Variants in KMT2D observed in about 807,000 individuals in gnomAD.
The protein encoded by KMT2D is histone-lysine N-methyltransferase 2D.
KMT2D carries 55 observed loss-of-function variants against 512.7 expected under a neutral mutation model. The ratio of observed to expected loss-of-function variants is 0.11; its 90% CI spans 0.09 to 0.13. KMT2D has a LOEUF of 0.13. Among genes scored for constraint, KMT2D ranks in the 10% least tolerant of loss-of-function variants. The probability of loss-of-function intolerance (pLI) is 1.00; values close to 1 mark genes in which losing one functional copy is unlikely to be tolerated. For missense variants in KMT2D, 6,061 were observed against 7,127.9 expected (o/e 0.85, Z 5.39); for synonymous variants, 2,995 against 2,904.0 (o/e 1.03, Z -1.01).
chr12:49,054,598 C>A lies in KMT2D; in HGVS notation c.330G>T (p.Leu110=), dbSNP rs1022875075. 1 of 1,613,184 alleles carries A rather than the reference C, an allele frequency of 6.2e-7. No individual in the cohort carries two copies. The highest frequency in any genetic ancestry group is 8.5e-7 in the Non-Finnish European group (1 of 1,179,516). ...GGSPGPNEAV[L]PSEDLSQIGF... is the part of the protein sequence containing the mutation. The stretch of plus-strand genomic sequence containing the variant: ...CAATCTGTGATAGGTCCTCACTGGG[C>A]AGCACTGCCTCATTGGGCCCTGGGC... Residue 110 remains leucine, a synonymous_variant, in exon 4 of 55, where the codon CTG becomes CTT. Transcript: ENST00000301067. The surrounding 1 kb of genome is among the most constrained non-coding windows in gnomAD (Gnocchi z 6.4).
At position 49,041,836 on chromosome 12, in the gene KMT2D, G is replaced by A. The variant is rs939127928; in HGVS notation, c.6183+81C>T. 59 of 1,523,046 alleles carry A rather than the reference G, an allele frequency of 3.9e-5. No individual in the cohort carries two copies. The highest frequency in any genetic ancestry group is 1.4e-4 in the African/African-American group (10 of 72,630). The allele number at this position is 1,523,046 out of a possible 1,614,324, so 94.3% of individuals were successfully genotyped here. A position where few individuals can be genotyped will look rare whatever the true frequency, so the allele number is the denominator to read the frequency against. On this transcript the variant is annotated intron_variant, in intron 30 of 54. Transcript: ENST00000301067. The surrounding 1 kb of genome is among the most constrained non-coding windows in gnomAD (Gnocchi z 5.4). ...CCCAGCTGCTTTAGGAGTGGGGAGC[G>A]GAAAGAACTGAGGTAAATTACCCAA...
rs924889380 is a variant in KMT2D, at chr12:49,060,403, C to A, written c.-828G>T. Among the ~76,000 whole-genome samples the A allele has an allele frequency of 6.6e-6, 1 of 152,184 alleles. No individual in the cohort carries two copies. Among genetic ancestry groups the A allele is most frequent in the African/African-American group, 2.4e-5 (1 of 41,446 alleles). ...CCTCTGGCCTCGGGAGCTGCCCCGCCCCCGGCCTGGCCGGCTCTGGTCGGT... is the reference window on the plus strand; with the variant it reads ...CCTCTGGCCTCGGGAGCTGCCCCGCACCCGGCCTGGCCGGCTCTGGTCGGT... On this transcript the variant is annotated 5_prime_UTR_variant, in exon 1 of 55. Transcript: ENST00000301067.
Position 49,037,746 on chromosome 12 carries a change from G to C in KMT2D, c.9610C>G (p.Pro3204Ala). ...TTTTCCAGCAGGGAGGATCCTCCTG[G>C]GCCACTCAGTGGGCTGGGGGTCAGC... ...HLLTPSPLSG[P>A]GGSSLLEKFE... Residue 3204 changes from proline to alanine, a missense_variant, in exon 35 of 55, where the codon CCA becomes GCA. By Grantham distance (27) the Pro-to-Ala change is conservative (BLOSUM62 -1). Transcript: ENST00000301067. 6.3e-7 allele frequency: 1 copy of C among 1,589,778 alleles called. No homozygotes were observed. Among genetic ancestry groups the C allele is most frequent in the Non-Finnish European group, 8.6e-7 (1 of 1,167,968 alleles).
rs748339453 is a variant in KMT2D at position 49,052,129 on chromosome 12, C to T, written c.1554G>A (p.Ser518=). 3.3e-5 allele frequency: 53 copies of T among 1,611,910 alleles called. No individual in the cohort carries two copies. In the South Asian group the frequency reaches 3.3e-4, roughly 10 times the overall value. Residue 518 remains serine (S), a synonymous_variant, in exon 11 of 55, where the codon TCG becomes TCA. Coordinates refer to ENST00000301067, the MANE Select transcript of KMT2D (RefSeq NM_003482.4). ...GTGACTCTTCCGGTGGAGACAAGGG[C>T]GACTCCTCCAGTGGAGAAAAAGGTG... is the stretch of plus-strand genomic sequence containing the variant. ...ESSPFSPLEE[S]PLSPPEESPP...
At position 49,038,631 on chromosome 12, in the gene KMT2D, C is replaced by T. The variant is rs2120501177; in HGVS notation, c.8725G>A (p.Val2909Ile). The T allele has an allele frequency of 2.5e-6, 4 of 1,613,080 alleles. No homozygotes were observed. Among genetic ancestry groups the T allele is most frequent in the East Asian group, 2.2e-5 (1 of 44,882 alleles). The stretch of plus-strand genomic sequence containing the variant: ...GCCAGTCGGTGGGGGTCCTCACTTA[C>T]AGGGTAAAAACGGGGTCTCTGAGGT... The part of the protein sequence containing the change: ...GPPQRPRFYP[V>I]SEDPHRLAPE... Residue 2909 changes from valine (V) to isoleucine (I), a missense_variant, in exon 35 of 55, where the codon GTA (valine) becomes ATA (isoleucine). Physicochemically the swap from Val to Ile is conservative, Grantham distance 29 (BLOSUM62 3). Transcript: ENST00000301067. The surrounding 1 kb of genome is among the most constrained non-coding windows in gnomAD (Gnocchi z 5.7).
Position 49,041,588 on chromosome 12 carries a change from T to C in KMT2D, c.6235-53A>G. The C allele has an allele frequency of 6.2e-7, 1 of 1,612,674 alleles. No individual in the cohort carries two copies. The highest frequency in any genetic ancestry group is 8.5e-7 in the Non-Finnish European group (1 of 1,179,220). ...GTCAGGCTGCTGCAGGCAGGCCCCA[T>C]GGCCCTCCACCCTCAAGAGAGGCCA... is the stretch of plus-strand genomic sequence containing the variant. On this transcript the variant is annotated intron_variant, in intron 31 of 54. Transcript: ENST00000301067. This position sits in a 1 kb window ranked among gnomAD's most constrained non-coding sequence, Gnocchi z 5.4.
chr12:49,059,334 A>G (rs1938599298), intron 1 of KMT2D, among the ~76,000 whole-genome samples: 1 of 152,028 alleles, frequency 6.6e-6, no homozygotes. Flanking sequence ...AGCTCCCCCA[A>G]CACAAAAATA....
In KMT2D at chr12:49,022,552, A is replaced by G. The variant is rs1442884158; in HGVS notation, c.16338+38T>C. The G allele has an allele frequency of 6.3e-7, 1 of 1,598,076 alleles. No individual in the cohort carries two copies. The highest frequency in any genetic ancestry group is 1.7e-5 in the Admixed American group (1 of 59,516). On this transcript the variant is annotated intron_variant, in intron 52 of 54. Transcript: ENST00000301067. The surrounding 1 kb of genome is among the most constrained non-coding windows in gnomAD (Gnocchi z 8.6). ...CTGCCCTTGCTCCTTGGTTGAGTGC[A>G]GACTATGCACCACAATGGCCCCTCT... is the stretch of plus-strand genomic sequence containing the variant.
rs1396233101 is a variant in KMT2D, at chr12:49,024,551, C to A, written c.16052+27G>T. On this transcript the variant is annotated intron_variant, in intron 51 of 54. Transcript: ENST00000301067. The surrounding 1 kb of genome is among the most constrained non-coding windows in gnomAD (Gnocchi z 4.5). ...TCCCTGTCAACACCCACACCCACAT[C>A]CCTTGGCTCCAGCATCACAAGCTCA... The A allele has an allele frequency of 1.3e-6, 2 of 1,589,292 alleles. No homozygotes were observed. Among genetic ancestry groups the A allele is most frequent in the Non-Finnish European group, 1.7e-6 (2 of 1,164,732 alleles).
rs376061914 is a variant in KMT2D, at chr12:49,051,545, T to C, written c.2138A>G (p.Asp713Gly). The C allele has an allele frequency of 1.2e-6, 2 of 1,611,284 alleles. No homozygotes were observed. The highest frequency in any genetic ancestry group is 2.7e-5 in the African/African-American group (2 of 74,414). Residue 713 changes from aspartate to glycine, a missense_variant, in exon 11 of 55, where the codon GAC (aspartate) becomes GGC (glycine). By Grantham distance (94) the Asp-to-Gly change is moderately conservative. Transcript: ENST00000301067. ...EDSPASPPPEDSLMSLPLEES... is the reference protein window; with the variant it reads ...EDSPASPPPEGSLMSLPLEES... ...CTCCAGCGGCAGGGACATGAGCGAGTCCTCCGGTGGTGGGGAAGCAGGTGA... is the reference window on the plus strand; with the variant it reads ...CTCCAGCGGCAGGGACATGAGCGAGCCCTCCGGTGGTGGGGAAGCAGGTGA...
Position 49,030,712 on chromosome 12 carries a change from A to G in KMT2D, c.13728T>C (p.Phe4576=). Residue 4576 remains phenylalanine (F), a synonymous_variant, in exon 42 of 55, where the codon TTT becomes TTC. Coordinates refer to ENST00000301067, the MANE Select transcript of KMT2D (RefSeq NM_003482.4). ...EPAITANFSL[F]APFGSGCPVN... ...CTGGGCAGCCACTGCCAAAGGGGGC[A>G]AAGAGGCTAAAATTGGCGGTGATAG... is the stretch of plus-strand genomic sequence containing the variant. 6.2e-7 allele frequency: 1 copy of G among 1,613,712 alleles called. No individual in the cohort carries two copies. Among genetic ancestry groups the G allele is most frequent in the South Asian group, 1.1e-5 (1 of 91,092 alleles).
chr12:49,055,285 C>T lies in KMT2D; in HGVS notation c.40G>A (p.Glu14Lys), dbSNP rs2120718269. 1 of 1,614,070 alleles carries T rather than the reference C, an allele frequency of 6.2e-7. No individual in the cohort carries two copies. The highest frequency in any genetic ancestry group is 8.5e-7 in the Non-Finnish European group (1 of 1,179,890). The change falls in exon 2 of 55, where the codon GAA becomes AAA. Residue 14 changes from glutamate (E) to lysine (K), a missense_variant. Coordinates refer to ENST00000301067, the MANE Select transcript of KMT2D (RefSeq NM_003482.4). ...QKLAGEDKDS[E>K]PAADGPAASE... ...AATTTGTCCTACTCACCTGCCGGTT[C>T]TGAATCTTTATCCTCACCAGCCAGC...
In KMT2D at chr12:49,051,283, C is replaced by G. The variant is rs1371328229; in HGVS notation, c.2400G>C (p.Gln800His). The change falls in exon 11 of 55, where the codon CAG becomes CAC. Residue 800 changes from glutamine (Q) to histidine (H), a missense_variant. Around this residue, in one of 16 missense-constraint regions of KMT2D, gnomAD observed 848 missense variants for 838.5 expected, o/e 1.01. Coordinates refer to ENST00000301067, the MANE Select transcript of KMT2D (RefSeq NM_003482.4). ...GGGGGGACAGGTGCAATTCCTCAGGCTGAGGGGACAGATGTGGTCCCTCAG... is the reference window on the plus strand; with the variant it reads ...GGGGGGACAGGTGCAATTCCTCAGGGTGAGGGGACAGATGTGGTCCCTCAG... Reference protein sequence around the residue: ...PQAEGPHLSPQPEELHLSPQT... With the variant: ...PQAEGPHLSPHPEELHLSPQT... The G allele has an allele frequency of 3.2e-6, 5 of 1,559,430 alleles. No individual in the cohort carries two copies. The highest frequency in any genetic ancestry group is 4.3e-6 in the Non-Finnish European group (5 of 1,152,242).
chr12:49,052,843 T>C, intron 9 of KMT2D, 72 bp downstream of exon 9: 2 of 1,599,870 alleles, frequency 1.3e-6, no homozygotes, highest in Non-Finnish European at 1.7e-6. Context: ...GTCCACTCAA[T>C]TTAACAAGGC....
At chr12:49,048,837 G>T in intron 13 of KMT2D, 68 bp from the exon 14 acceptor site, 4 of 1,064,016 alleles carry the variant, frequency 3.8e-6, no homozygotes, top group South Asian at 1.4e-5. Flanking sequence ...TTTCCTCTTT[G>T]GTGTTGGGGG....
Position 49,055,041 on chromosome 12 carries a change from AAACAGCATG to A in KMT2D, c.50-24_50-16del. On this transcript the variant is annotated splice_polypyrimidine_tract_variant and intron_variant, in intron 2 of 54. Transcript: ENST00000301067. ...AGGTCCATCAGCTGAATAAACAGAC[AAACAGCATG>A]TGTCAGCCATCATCCCTATTTAACA... The A allele has an allele frequency of 6.2e-7, 1 of 1,613,372 alleles. No homozygotes were observed. Among genetic ancestry groups the A allele is most frequent in the Non-Finnish European group, 8.5e-7 (1 of 1,179,508 alleles).
At chr12:49,047,436 C>T (rs1244225611) in intron 15 of KMT2D, among the ~76,000 whole-genome samples, 13 of 107,616 alleles carry the variant, frequency 1.2e-4, no homozygotes, top group South Asian at 3.2e-4. Flanking sequence ...TTTTTTGAGA[C>T]GGATCTCACT....
At chr12:49,029,746 C>T (rs1178413358) in intron 43 of KMT2D, among the ~76,000 whole-genome samples, 2 of 151,218 alleles carry the variant, frequency 1.3e-5, no homozygotes, top group Admixed American at 6.6e-5. Context: ...GAACTCCTGG[C>T]CTCAAGCAAT....
Position 49,043,896 on chromosome 12 carries a change from A to C in KMT2D, c.5291T>G (p.Leu1764Arg). Residue 1764 changes from leucine to arginine, a missense_variant, in exon 23 of 55, where the codon CTG becomes CGG. Physicochemically the swap from Leu to Arg is moderately radical, Grantham distance 102. Coordinates refer to ENST00000301067, the MANE Select transcript of KMT2D (RefSeq NM_003482.4). ...CAAGTAAGCAGGGAACATGTCCTCCAGTTTGCTCTTCTTGCGCCCTCGCCG... is the reference window on the plus strand; with the variant it reads ...CAAGTAAGCAGGGAACATGTCCTCCCGTTTGCTCTTCTTGCGCCCTCGCCG... Reference protein sequence around the residue: ...QQRRGRKKSKLEDMFPAYLQE... With the variant: ...QQRRGRKKSKREDMFPAYLQE... 1 of 1,614,078 alleles carries C rather than the reference A, an allele frequency of 6.2e-7. No individual in the cohort carries two copies. The highest frequency in any genetic ancestry group is 1.3e-5 in the African/African-American group (1 of 75,068).
Sources: allele counts gnomAD v4.1 joint callset (sites outside exome capture counted in the v4.1 genomes callset), GRCh38; gene constraint gnomAD v4.1.1; regional missense constraint gnomAD v4.1.1; non-coding constraint Gnocchi (gnomAD v3.1); transcripts MANE v1.5; gene names NCBI Gene and HGNC (gene_info 2026-07-23, HGNC 2026-07-21).